Variants in LRRIQ1 observed in about 807,000 individuals in gnomAD.
The protein encoded by LRRIQ1 is leucine-rich repeat- and IQ domain-containing protein 1.
In LRRIQ1, 210 loss-of-function variants were observed where a neutral mutation model predicts 211.9. That is an observed-to-expected ratio of 0.99 (90% confidence interval 0.89 to 1.11). The LOEUF is 1.11. Among genes scored for constraint, LRRIQ1 ranks in the 50% most tolerant of loss-of-function variants. The pLI is 0.00. For synonymous variants in LRRIQ1, 699 were observed against 650.1 expected, an observed-to-expected ratio of 1.08 and a Z score of -1.14; for missense variants, 2,136 against 1,939.5, an observed-to-expected ratio of 1.10 and a Z score of -1.90.
chr12:85,113,349 A>C (rs1887321439), intron 15 of LRRIQ1, among the ~76,000 whole-genome samples: 1 of 149,072 alleles, frequency 6.7e-6, no homozygotes. Flanking sequence ...TAGTTTGTCC[A>C]TTTCAGGTTT....
At position 85,066,753 on chromosome 12, in the gene LRRIQ1, C is replaced by T. The variant is rs201735165; in HGVS notation, c.2550C>T (p.Asn850=). The T allele has an allele frequency of 1.1e-5, 17 of 1,580,518 alleles. No homozygotes were observed. The highest frequency in any genetic ancestry group is 1.5e-5 in the Non-Finnish European group (17 of 1,167,244). Reference sequence around the variant, plus strand: ...ACATTTGTTCTTTGCTTCAGGAAAACCATATTGAGGCTATTGAGTGTGAAA... The same window carrying T: ...ACATTTGTTCTTTGCTTCAGGAAAATCATATTGAGGCTATTGAGTGTGAAA... ...KKLKYIDAQE[N]HIEAIECENL... The change falls in exon 10 of 27, where the codon AAC becomes AAT. Residue 850 remains asparagine (N), a synonymous_variant. Coordinates refer to ENST00000393217, the MANE Select transcript of LRRIQ1 (RefSeq NM_001079910.2).
rs1381786326 is a variant in LRRIQ1, at chr12:85,045,176, G to A, written c.336+367G>A. ...GATTGTACTATGTTCCTGCAGAGAC[G>A]TTATAGAAAATTTAAATTTACAATA... On this transcript the variant is annotated intron_variant, in intron 4 of 26. Transcript: ENST00000393217. Among the ~76,000 whole-genome samples the A allele has an allele frequency of 3.9e-5, 6 of 151,918 alleles. No homozygotes were observed. The East Asian group carries it at 5.8e-4, about 15-fold the overall frequency.
chr12:85,054,703 T>G lies in LRRIQ1; in HGVS notation c.754-844T>G, dbSNP rs1880771677. Among the ~76,000 whole-genome samples the G allele has an allele frequency of 2.0e-5, 3 of 152,182 alleles. No individual in the cohort carries two copies. In the South Asian group the frequency reaches 6.2e-4, roughly 32 times the overall value. On this transcript the variant is annotated intron_variant, in intron 7 of 26. Coordinates refer to ENST00000393217, the MANE Select transcript of LRRIQ1 (RefSeq NM_001079910.2). ...CCAGCCATTCTATTTTGATTATTGG[T>G]TTAAGTGAGTCGTTTTTATTTGAAC...
At chr12:85,203,540 T>C (rs1893400218) in intron 24 of LRRIQ1, among the ~76,000 whole-genome samples, 1 of 152,112 alleles carries the variant, frequency 6.6e-6, no homozygotes. Context: ...TTGCCCAAAA[T>C]GCTGATAGCA....
chr12:85,064,251 G>A (rs946464796), intron 8 of LRRIQ1, among the ~76,000 whole-genome samples: 1 of 151,734 alleles, frequency 6.6e-6, no homozygotes, highest in Non-Finnish European at 1.5e-5. Context: ...TTGTCGTTTT[G>A]ATTTACATTT....
In LRRIQ1 at chr12:85,106,536, A is replaced by C. The variant is rs759000874; in HGVS notation, c.3298A>C (p.Ile1100Leu). The change falls in exon 15 of 27, where the codon ATA (isoleucine) becomes CTA (leucine). Residue 1100 changes from isoleucine (I) to leucine (L), a missense_variant. Coordinates refer to ENST00000393217, the MANE Select transcript of LRRIQ1 (RefSeq NM_001079910.2). ...ATTTTCTGTAGATCTTAAAAGTGCCATAAAATGGTTTGATGCATGCTATTC... is the reference window on the plus strand; with the variant it reads ...ATTTTCTGTAGATCTTAAAAGTGCCCTAAAATGGTTTGATGCATGCTATTC... ...HNCLSDLKSA[I>L]KWFDACYSLH... The C allele has an allele frequency of 6.2e-7, 1 of 1,608,770 alleles. No homozygotes were observed.
At chr12:85,229,733 A>G in intron 25 of LRRIQ1, 84 bp downstream of exon 25, 1 of 1,411,460 alleles carries the variant, frequency 7.1e-7, no homozygotes, top group Non-Finnish European at 9.8e-7. Flanking sequence ...GCTAAAACAA[A>G]CATGACTTTA....
chr12:85,193,523 T>A (rs2136961168), intron 24 of LRRIQ1, among the ~76,000 whole-genome samples: 1 of 142,056 alleles, frequency 7.0e-6, no homozygotes, highest in South Asian at 2.4e-4. Flanking sequence ...ATATTCAACA[T>A]TCTTAAAGAA....
chr12:85,213,985 A>T (rs1893960375), intron 24 of LRRIQ1, among the ~76,000 whole-genome samples: 1 of 152,008 alleles, frequency 6.6e-6, no homozygotes, highest in African/African-American at 2.4e-5. Flanking sequence ...AAGCTTTAAT[A>T]AAATAATATT....
At chr12:85,134,066 TGATTAGTGCAA>T (rs1323570173) in intron 18 of LRRIQ1, among the ~76,000 whole-genome samples, 7 of 152,104 alleles carry the variant, frequency 4.6e-5, no homozygotes, top group African/African-American at 1.7e-4. Flanking sequence ...GCTTCTGATT[TGATTAGTGCAA>T]GACCAGTTGG....
chr12:85,080,538 A>T (rs1488596851), intron 11 of LRRIQ1, among the ~76,000 whole-genome samples: 1 of 151,436 alleles, frequency 6.6e-6, no homozygotes, highest in Non-Finnish European at 1.5e-5. Context: ...GTCTCCATGT[A>T]TTTCTCTGGA....
intron 15 of LRRIQ1, 41 bp downstream of exon 15, chr12:85,106,656 T>C (rs557095114): frequency 2.3e-6 from 3 of 1,327,952 alleles, no homozygotes; most frequent in Middle Eastern, 1.8e-4. Context: ...TCCATTATTA[T>C]AGTTGCAGAA....
At chr12:85,100,254 T>G (rs898311469) in intron 13 of LRRIQ1, among the ~76,000 whole-genome samples, 10 of 151,836 alleles carry the variant, frequency 6.6e-5, no homozygotes, top group African/African-American at 2.4e-4. Context: ...TTTAATTTAT[T>G]TGGGCAATTT....
intron 24 of LRRIQ1, among the ~76,000 whole-genome samples, chr12:85,222,427 T>C (rs1894445332): frequency 6.6e-6 from 1 of 151,122 alleles, no homozygotes; most frequent in South Asian, 2.1e-4. Context: ...AGGTAATGAA[T>C]CCAGGGAAAA....
At chr12:85,198,401 G>T (rs561706064) in intron 24 of LRRIQ1, among the ~76,000 whole-genome samples, 72 of 151,502 alleles carry the variant, frequency 4.8e-4, no homozygotes, top group African/African-American at 1.7e-3. Flanking sequence ...TTCCACAATG[G>T]CTGAACAAAT....
At position 85,056,951 on chromosome 12, in the gene LRRIQ1, C is replaced by T; in HGVS notation, c.2158C>T (p.Pro720Ser). 6.2e-7 allele frequency: 1 copy of T among 1,612,480 alleles called. No homozygotes were observed. Among genetic ancestry groups the T allele is most frequent in the South Asian group, 1.1e-5 (1 of 90,882 alleles). ...NISEKCHENA[P>S]EPDSMTCCVS... is the part of the protein sequence containing the mutation. ...TTCAGAAAAATGCCATGAAAATGCA[C>T]CTGAACCTGATAGCATGACCTGCTG... is the stretch of plus-strand genomic sequence containing the variant. The change falls in exon 8 of 27, where the codon CCT (proline) becomes TCT (serine). Residue 720 changes from proline (P) to serine (S), a missense_variant. Coordinates refer to ENST00000393217, the MANE Select transcript of LRRIQ1 (RefSeq NM_001079910.2).
At chr12:85,155,774 T>C (rs1890509722) in intron 23 of LRRIQ1, among the ~76,000 whole-genome samples, 1 of 151,698 alleles carries the variant, frequency 6.6e-6, no homozygotes. Context: ...CCCATATGAT[T>C]CCGTCTCTGG....
intron 24 of LRRIQ1, among the ~76,000 whole-genome samples, chr12:85,201,917 G>A (rs987005128): frequency 6.6e-6 from 1 of 152,060 alleles, no homozygotes; most frequent in African/African-American, 2.4e-5. Context: ...ACTTTTTGAT[G>A]TGTGCTCTCA....
At chr12:85,238,197 G>C (rs1004328295) in intron 26 of LRRIQ1, among the ~76,000 whole-genome samples, 1 of 151,274 alleles carries the variant, frequency 6.6e-6, no homozygotes, top group Non-Finnish European at 1.5e-5. Context: ...AACAAAGCAA[G>C]ATAAACTCTC....
Sources: gnomAD v4.1 joint callset for allele counts (sites outside exome capture counted in the v4.1 genomes callset) on GRCh38, gnomAD v4.1.1 for gene constraint, MANE v1.5 for transcripts, NCBI Gene and HGNC (gene_info 2026-07-23, HGNC 2026-07-21) for gene names.